Variants in TPCN1 observed in about 807,000 individuals in gnomAD.
The protein encoded by TPCN1 is two pore segment channel 1.
Under a neutral mutation model 108.8 loss-of-function variants are expected in TPCN1, and 52 were observed. The ratio of observed to expected loss-of-function variants is 0.48; its 90% CI spans 0.38 to 0.60. The LOEUF (loss-of-function observed/expected upper bound fraction) is 0.60, where lower values mean the gene tolerates loss of function less well. Ranked by LOEUF, TPCN1 falls within the 20% of genes least tolerant of loss-of-function variation. The pLI, the probability that TPCN1 is intolerant of heterozygous loss-of-function variation, is 0.00. For synonymous variants in TPCN1, 446 were observed against 433.7 expected (o/e 1.03, Z -0.35); for missense variants, 806 against 1,072.8 (o/e 0.75, Z 3.47).
At chr12:113,243,081 T>C (rs184303262) in intron 2 of TPCN1, among the ~76,000 whole-genome samples, 3 of 152,210 alleles carry the variant, frequency 2.0e-5, no homozygotes, top group African/African-American at 7.2e-5. Context: ...CTTTTAAAAC[T>C]ACATCTGGCC....
Position 113,288,124 on chromosome 12 carries a change from C to T in TPCN1, c.1635-39C>T, listed in dbSNP as rs779608470. 3.2e-6 allele frequency: 5 copies of T among 1,580,892 alleles called. No homozygotes were observed. In the South Asian group the frequency reaches 3.4e-5, roughly 11 times the overall value. On this transcript the variant is annotated intron_variant, in intron 19 of 27. Coordinates refer to ENST00000335509, the MANE Select transcript of TPCN1 (RefSeq NM_017901.6). This position sits in a 1 kb window ranked among gnomAD's most constrained non-coding sequence, Gnocchi z 4.8. ...TTCTGAGGGCGGGGGCTGAGGCGTG[C>T]ACCTGTGTGTGGAGGTGACGGGTGT...
chr12:113,281,040 C>T (rs764041130), intron 15 of TPCN1, among the ~76,000 whole-genome samples: 4 of 151,902 alleles, frequency 2.6e-5, no homozygotes, highest in African/African-American at 7.3e-5. Context: ...CAATCTTACA[C>T]GTCTAGATTC....
rs995201686 is a variant in TPCN1 at position 113,289,365 on chromosome 12, T to C, written c.1796+518T>C. On this transcript the variant is annotated intron_variant, in intron 21 of 27. Coordinates refer to ENST00000335509, the MANE Select transcript of TPCN1 (RefSeq NM_017901.6). The surrounding 1 kb of genome is among the most constrained non-coding windows in gnomAD (Gnocchi z 4.1). Reference sequence around the variant, plus strand: ...TCATCCTCAATTCAGAGAGTCCTCTTACATTTGGTCTTTACAGCCTCAAGC... The same window carrying C: ...TCATCCTCAATTCAGAGAGTCCTCTCACATTTGGTCTTTACAGCCTCAAGC... 2.0e-5 allele frequency among the ~76,000 whole-genome samples: 3 copies of C among 152,256 alleles called. No homozygotes were observed. The highest frequency in any genetic ancestry group is 6.5e-5 in the Admixed American group (1 of 15,292).
chr12:113,240,047 G>T (rs748997940), intron 2 of TPCN1, among the ~76,000 whole-genome samples: 1 of 152,008 alleles, frequency 6.6e-6, no homozygotes, highest in South Asian at 2.1e-4. Flanking sequence ...CTCTTCTTGC[G>T]GGCTCGGCTG....
chr12:113,289,635 C>G lies in TPCN1; in HGVS notation c.1797-493C>G, dbSNP rs990165658. ...AACATTAGCATGGATATTAACAGAACAGCCATAAAAGATTGGAAGGAAAGT... is the reference window on the plus strand; with the variant it reads ...AACATTAGCATGGATATTAACAGAAGAGCCATAAAAGATTGGAAGGAAAGT... On this transcript the variant is annotated intron_variant, in intron 21 of 27. Coordinates refer to ENST00000335509, the MANE Select transcript of TPCN1 (RefSeq NM_017901.6). The surrounding 1 kb of genome is among the most constrained non-coding windows in gnomAD (Gnocchi z 4.1). Among the ~76,000 whole-genome samples the G allele has an allele frequency of 6.6e-6, 1 of 152,196 alleles. No individual in the cohort carries two copies. The highest frequency in any genetic ancestry group is 2.4e-5 in the African/African-American group (1 of 41,444).
intron 2 of TPCN1, chr12:113,245,964 G>A (rs759430858): frequency 2.2e-6 from 1 of 456,102 alleles, no homozygotes; most frequent in South Asian, 1.5e-5. Context: ...TTCCCTGCAG[G>A]GTCATTTCCG....
At chr12:113,270,685 T>C (rs979022487) in intron 7 of TPCN1, among the ~76,000 whole-genome samples, 2 of 152,138 alleles carry the variant, frequency 1.3e-5, no homozygotes, top group African/African-American at 4.8e-5. Flanking sequence ...TTCACCATAT[T>C]GGCCAGGCTG....
chr12:113,266,359 G>A lies in TPCN1; in HGVS notation c.414+3G>A. The A allele has an allele frequency of 6.2e-7, 1 of 1,605,084 alleles. No individual in the cohort carries two copies. The highest frequency in any genetic ancestry group is 8.5e-7 in the Non-Finnish European group (1 of 1,179,894). ...CCGCACTCCGGCTTGGCATCTATGT[G>A]AGCGCACATGCTCCTCATACGGGGG... On this transcript the variant is annotated splice_donor_region_variant and intron_variant, in intron 4 of 27. Transcript: ENST00000335509. The surrounding 1 kb of genome is among the most constrained non-coding windows in gnomAD (Gnocchi z 4.2).
intron 3 of TPCN1, among the ~76,000 whole-genome samples, chr12:113,260,730 C>T (rs1048579350): frequency 2.0e-5 from 3 of 152,338 alleles, no homozygotes; most frequent in Non-Finnish European, 2.9e-5. Flanking sequence ...CCACAATTTC[C>T]GGAGTCTGGC....
At position 113,266,078 on chromosome 12, in the gene TPCN1, C is replaced by G; in HGVS notation, c.238-102C>G. ...CTTCTGTCTCTGGCCTGAATCTCTCCTCGCCTGCCTGGGGCCTTCCTTTCC... is the reference window on the plus strand; with the variant it reads ...CTTCTGTCTCTGGCCTGAATCTCTCGTCGCCTGCCTGGGGCCTTCCTTTCC... On this transcript the variant is annotated intron_variant, in intron 3 of 27. Transcript: ENST00000335509. This position sits in a 1 kb window ranked among gnomAD's most constrained non-coding sequence, Gnocchi z 4.2. The G allele has an allele frequency of 7.7e-7, 1 of 1,300,336 alleles. No individual in the cohort carries two copies. Among genetic ancestry groups the G allele is most frequent in the Non-Finnish European group, 1.1e-6 (1 of 926,574 alleles). The allele number at this position is 1,300,336 out of a possible 1,614,324, so 80.5% of individuals were successfully genotyped here.
intron 2 of TPCN1, among the ~76,000 whole-genome samples, chr12:113,243,441 C>T (rs1386818169): frequency 1.3e-5 from 2 of 151,848 alleles, no homozygotes; most frequent in African/African-American, 4.8e-5. Flanking sequence ...GACTAGAGGC[C>T]AGGCACAGAC....
rs1953452813 is a variant in TPCN1 at position 113,225,888 on chromosome 12, T to C, written c.-125-840T>C. Among the ~76,000 whole-genome samples the C allele has an allele frequency of 2.0e-5, 3 of 152,106 alleles. 1 individual carries two copies. The South Asian group carries it at 6.2e-4, about 32-fold the overall frequency. On this transcript the variant is annotated intron_variant, in intron 1 of 27. Coordinates refer to ENST00000335509, the MANE Select transcript of TPCN1 (RefSeq NM_017901.6). ...TATTTTTTAAGAGACAGGATTTCAC[T>C]CTGTTGCCCAAGCCAGAGTGCAGTG... is the stretch of plus-strand genomic sequence containing the variant.
intron 10 of TPCN1, among the ~76,000 whole-genome samples, chr12:113,275,433 A>G (rs1248309790): frequency 1.3e-5 from 2 of 151,732 alleles, no homozygotes; most frequent in African/African-American, 2.4e-5. Flanking sequence ...TGGTAGAGAC[A>G]GGGTTTTGCC....
chr12:113,225,708 C>A (rs774804610), intron 1 of TPCN1, among the ~76,000 whole-genome samples: 1 of 152,040 alleles, frequency 6.6e-6, no homozygotes, highest in Non-Finnish European at 1.5e-5. Context: ...GCACGTGCCA[C>A]CCCGCCCAGC....
intron 2 of TPCN1, among the ~76,000 whole-genome samples, chr12:113,258,111 A>G (rs1362103562): frequency 1.3e-5 from 2 of 152,218 alleles, no homozygotes; most frequent in Admixed American, 6.5e-5. Flanking sequence ...AAATGTATCA[A>G]ACTGTATTCT....
intron 27 of TPCN1, among the ~76,000 whole-genome samples, chr12:113,293,872 C>CTG (rs1956348459): frequency 6.6e-6 from 1 of 152,208 alleles, no homozygotes; most frequent in Non-Finnish European, 1.5e-5. Flanking sequence ...GAGTCTCGCT[C>CTG]TGTCTCCCAG....
chr12:113,287,142 G>T, intron 19 of TPCN1, 48 bp downstream of exon 19: 1 of 1,479,264 alleles, frequency 6.8e-7, no homozygotes, highest in East Asian at 2.3e-5. Flanking sequence ...GAGGGAGGAC[G>T]GGAATGCCCC....
At chr12:113,275,793 G>A (rs967085277) in intron 10 of TPCN1, among the ~76,000 whole-genome samples, 2 of 150,118 alleles carry the variant, frequency 1.3e-5, no homozygotes, top group African/African-American at 4.9e-5. Context: ...AGCCAGGATG[G>A]TCTCAATCTC....
rs574265474 is a variant in TPCN1 at position 113,251,504 on chromosome 12, G to A, written c.113-8864G>A. 2.9e-4 allele frequency among the ~76,000 whole-genome samples: 44 copies of A among 152,354 alleles called. No homozygotes were observed. In the South Asian group the frequency reaches 6.6e-3, roughly 23 times the overall value. ...GTTCCACCATTGGCAACACTGCTACGTGTCTGCCCTCACCCACCAGCCATG... is the reference window on the plus strand; with the variant it reads ...GTTCCACCATTGGCAACACTGCTACATGTCTGCCCTCACCCACCAGCCATG... On this transcript the variant is annotated intron_variant, in intron 2 of 27. Coordinates refer to ENST00000335509, the MANE Select transcript of TPCN1 (RefSeq NM_017901.6).
Sources: gnomAD v4.1 joint callset for allele counts (sites outside exome capture counted in the v4.1 genomes callset) on GRCh38, gnomAD v4.1.1 for gene constraint, Gnocchi (gnomAD v3.1) non-coding constraint, MANE v1.5 for transcripts, NCBI Gene and HGNC (gene_info 2026-07-23, HGNC 2026-07-21) for gene names.